NBEA: variants seen among roughly 807,000 people sequenced by gnomAD.
NBEA encodes neurobeachin.
A neutral mutation model predicts 343.4 loss-of-function variants in NBEA; 44 were observed. The observed-to-expected ratio is 0.13, with a 90% CI of 0.10 to 0.16. The LOEUF is 0.16. Ranked by LOEUF, NBEA falls within the 10% of genes least tolerant of loss-of-function variation. The pLI is 1.00. For missense variants in NBEA, 2,555 were observed against 3,631.3 expected (o/e 0.70, Z 7.62); for synonymous variants, 1,175 against 1,238.7 (o/e 0.95, Z 1.08).
chr13:35,443,816 G>A (rs2152938961), intron 39 of NBEA, among the ~76,000 whole-genome samples: 1 of 151,674 alleles, frequency 6.6e-6, no homozygotes, highest in Admixed American at 6.6e-5. Flanking sequence ...TTTGCCATTG[G>A]GATTTTTCTA....
chr13:35,540,107 A>G (rs922341496), intron 41 of NBEA, among the ~76,000 whole-genome samples: 1 of 152,016 alleles, frequency 6.6e-6, no homozygotes, highest in East Asian at 1.9e-4. Context: ...CTAAAATTTT[A>G]ATATGAAATA....
rs1322235190 is a variant in NBEA, at chr13:35,139,757, T to TG, written c.2337-2512_2337-2511insG. ...ATGATGGATGGCGTTTTTTTTTTTT[T>TG]TTTTTTTTTTTTTTTATCTCTTGAC... On this transcript the variant is annotated intron_variant, in intron 17 of 58. Transcript: ENST00000379939. Among the ~76,000 whole-genome samples, 723 of 135,900 alleles carry TG rather than the reference T, an allele frequency of 5.3e-3. 11 individuals are homozygous for TG. The highest frequency in any genetic ancestry group is 8.4e-3 in the Non-Finnish European group (532 of 63,096). 89.2% of individuals were successfully genotyped at this position (135,900 alleles called of 152,430 possible).
Position 35,173,509 on chromosome 13 carries a change from A to G in NBEA, c.4469A>G (p.Gln1490Arg). ...AACTGTTTAGAATGTCGGCAAAGAC[A>G]GAGAGACAGGGGAAATAAATCTTCC... ...VRNCLECRQR[Q>R]RDRGNKSSHG... Residue 1490 changes from glutamine (Q) to arginine (R), a missense_variant, in exon 27 of 59, where the codon CAG (glutamine) becomes CGG (arginine). By Grantham distance (43) the Gln-to-Arg change is conservative (BLOSUM62 1). This residue lies in a region of NBEA where 168 missense variants were observed against 193.0 expected (regional missense o/e 0.87). Coordinates refer to ENST00000379939, the MANE Select transcript of NBEA (RefSeq NM_001385012.1). 1 of 1,610,706 alleles carries G rather than the reference A, an allele frequency of 6.2e-7. No homozygotes were observed. Among genetic ancestry groups the G allele is most frequent in the Non-Finnish European group, 8.5e-7 (1 of 1,177,880 alleles).
At chr13:35,344,600 TAGAAA>T (rs1445879105) in intron 36 of NBEA, among the ~76,000 whole-genome samples, 2 of 151,520 alleles carry the variant, frequency 1.3e-5, no homozygotes, top group Non-Finnish European at 2.9e-5. Context: ...CAAAACTAAT[TAGAAA>T]AGAAAATGAG....
At chr13:34,987,782 A>T (rs935393714) in intron 1 of NBEA, among the ~76,000 whole-genome samples, 1 of 151,250 alleles carries the variant, frequency 6.6e-6, no homozygotes, top group Non-Finnish European at 1.5e-5. Flanking sequence ...CACTTGATCA[A>T]ATAGGCTATT....
At chr13:35,447,883 A>G (rs2046127407) in intron 39 of NBEA, among the ~76,000 whole-genome samples, 1 of 152,144 alleles carries the variant, frequency 6.6e-6, no homozygotes, top group African/African-American at 2.4e-5. Flanking sequence ...TGTTAAACCA[A>G]TTCTTTCTAA....
chr13:35,061,542 C>T (rs1292367305), intron 8 of NBEA, among the ~76,000 whole-genome samples: 1 of 151,624 alleles, frequency 6.6e-6, no homozygotes, highest in Admixed American at 6.6e-5. Context: ...GATATTTTCT[C>T]AGTGTTATGT....
At chr13:35,150,974 C>T (rs999084546) in intron 18 of NBEA, among the ~76,000 whole-genome samples, 1 of 151,664 alleles carries the variant, frequency 6.6e-6, no homozygotes, top group Non-Finnish European at 1.5e-5. Context: ...AAGATTTAGC[C>T]AAGTGTGGTG....
chr13:35,334,563 C>A (rs375598722), intron 36 of NBEA, among the ~76,000 whole-genome samples: 3 of 152,188 alleles, frequency 2.0e-5, no homozygotes, highest in African/African-American at 4.8e-5. Context: ...GGCCACCATG[C>A]CCAGCCTCGT....
At chr13:35,082,313 A>G (rs571056942) in intron 10 of NBEA, among the ~76,000 whole-genome samples, 16 of 152,248 alleles carry the variant, frequency 1.1e-4, no homozygotes, top group African/African-American at 2.9e-4. Context: ...AATCCAGTCT[A>G]TCATTGTTGG....
At chr13:35,176,458 G>C (rs1199024398) in intron 27 of NBEA, among the ~76,000 whole-genome samples, 2 of 152,014 alleles carry the variant, frequency 1.3e-5, no homozygotes, top group Non-Finnish European at 1.5e-5. Flanking sequence ...GAAATATGTA[G>C]ATGTTTTTCC....
At chr13:35,151,121 A>AC (rs1425327440) in intron 18 of NBEA, among the ~76,000 whole-genome samples, 87 of 151,082 alleles carry the variant, frequency 5.8e-4, no homozygotes, top group Middle Eastern at 3.4e-3. Flanking sequence ...CTCTAAAAAA[A>AC]AAAAAAAAAG....
At chr13:35,086,604 G>A (rs1477190576) in intron 10 of NBEA, among the ~76,000 whole-genome samples, 3 of 151,916 alleles carry the variant, frequency 2.0e-5, no homozygotes, top group East Asian at 3.9e-4. Context: ...TTTGTGAATA[G>A]CGCTGTGTTA....
chr13:35,527,088 C>G (rs1594886704), intron 41 of NBEA, among the ~76,000 whole-genome samples: 1 of 152,114 alleles, frequency 6.6e-6, no homozygotes, highest in Admixed American at 6.5e-5. Flanking sequence ...GGCCATGTTT[C>G]AGCCCTGTTT....
intron 1 of NBEA, among the ~76,000 whole-genome samples, chr13:34,999,860 C>T (rs2061067039): frequency 6.6e-6 from 1 of 152,180 alleles, no homozygotes; most frequent in South Asian, 2.1e-4. Flanking sequence ...CACAGGCATT[C>T]TATTTCAAAG....
chr13:35,217,737 C>T (rs1395048935), intron 33 of NBEA, among the ~76,000 whole-genome samples: 1 of 152,020 alleles, frequency 6.6e-6, no homozygotes, highest in Non-Finnish European at 1.5e-5. Flanking sequence ...TAGAATTTCT[C>T]CTGAATGCTC....
At chr13:35,255,726 C>A (rs2032511518) in intron 34 of NBEA, among the ~76,000 whole-genome samples, 1 of 152,212 alleles carries the variant, frequency 6.6e-6, no homozygotes, top group South Asian at 2.1e-4. Flanking sequence ...GGTCTGGGCT[C>A]CCTGAGTCCT....
intron 32 of NBEA, among the ~76,000 whole-genome samples, chr13:35,210,404 G>A (rs1265439621): frequency 6.6e-6 from 1 of 152,082 alleles, no homozygotes; most frequent in Non-Finnish European, 1.5e-5. Flanking sequence ...ATCCCAGTAA[G>A]CAATTCAGTT....
chr13:35,320,196 AC>A (rs2038038840), intron 36 of NBEA, among the ~76,000 whole-genome samples: 1 of 152,110 alleles, frequency 6.6e-6, no homozygotes, highest in Non-Finnish European at 1.5e-5. Context: ...GTGTCGATGG[AC>A]TTTACAATTT....
Sources: allele counts gnomAD v4.1 joint callset (sites outside exome capture counted in the v4.1 genomes callset), GRCh38; gene constraint gnomAD v4.1.1; regional missense constraint gnomAD v4.1.1; transcripts MANE v1.5; gene names NCBI Gene and HGNC (gene_info 2026-07-23, HGNC 2026-07-21).